Variants in RXRG observed in about 807,000 individuals in gnomAD.
RXRG encodes retinoid X receptor gamma.
RXRG carries 19 observed loss-of-function variants against 49.2 expected under a neutral mutation model. The ratio of observed to expected loss-of-function variants is 0.39; its 90% CI spans 0.27 to 0.57. The LOEUF (loss-of-function observed/expected upper bound fraction) is 0.57. Among genes scored for constraint, RXRG ranks in the 20% least tolerant of loss-of-function variants. The probability of loss-of-function intolerance (pLI) is 0.64; values close to 1 mark genes in which losing one functional copy is unlikely to be tolerated. For missense variants in RXRG, 452 were observed against 592.5 expected (o/e 0.76, Z 2.46); for synonymous variants, 224 against 216.6 (o/e 1.03, Z -0.30).
At chr1:165,414,922 A>T (rs1324048922) in intron 4 of RXRG, among the ~76,000 whole-genome samples, 1 of 152,254 alleles carries the variant, frequency 6.6e-6, no homozygotes, top group Non-Finnish European at 1.5e-5. Context: ...CATTCAGTTT[A>T]AACTATTCAT....
chr1:165,415,348 A>G (rs1401165492), intron 4 of RXRG, among the ~76,000 whole-genome samples: 1 of 152,350 alleles, frequency 6.6e-6, no homozygotes. Context: ...ACCTTAAGTC[A>G]TGACAAAGAT....
chr1:165,438,920 GT>G (rs1658897681), intron 1 of RXRG, among the ~76,000 whole-genome samples: 1 of 152,122 alleles, frequency 6.6e-6, no homozygotes, highest in Non-Finnish European at 1.5e-5. Flanking sequence ...AGATACATAT[GT>G]TTTCAAGCAA....
At chr1:165,437,159 A>G (rs1557926855) in intron 1 of RXRG, 1 of 1,367,752 alleles carries the variant, frequency 7.3e-7, no homozygotes, top group Non-Finnish European at 9.8e-7. Flanking sequence ...TCACAGCCCT[A>G]GCGATGTGGA....
intron 1 of RXRG, among the ~76,000 whole-genome samples, chr1:165,442,439 C>T (rs1377910154): frequency 6.6e-6 from 1 of 152,248 alleles, no homozygotes; most frequent in African/African-American, 2.4e-5. Context: ...AGACAACCTA[C>T]ATGACCCTTT....
At chr1:165,424,148 C>G (rs1174442996) in intron 2 of RXRG, among the ~76,000 whole-genome samples, 1 of 152,198 alleles carries the variant, frequency 6.6e-6, no homozygotes, top group African/African-American at 2.4e-5. Context: ...TCCTATATCA[C>G]ATTATCTACA....
chr1:165,436,526 C>T (rs541874369), intron 1 of RXRG, among the ~76,000 whole-genome samples: 180 of 152,234 alleles, frequency 1.2e-3, no homozygotes, highest in South Asian at 4.8e-3. Flanking sequence ...AGAGGAGATT[C>T]GCCTGTTCTT....
chr1:165,419,748 G>A, intron 3 of RXRG, 122 bp downstream of exon 3: 1 of 734,568 alleles, frequency 1.4e-6, no homozygotes, highest in Non-Finnish European at 2.1e-6. Context: ...CGTATAGGTG[G>A]GTCCCCAGTT....
At position 165,427,646 on chromosome 1, in the gene RXRG, A is replaced by G. The variant is rs1658532829; in HGVS notation, c.297+1073T>C. ...TTTAGTAGAGACGGGGTTTCACTGT[A>G]TTAGCCAGGATGGTCTCCATCTCCT... On this transcript the variant is annotated intron_variant, in intron 2 of 9. Transcript: ENST00000359842. Among the ~76,000 whole-genome samples, 2 of 152,090 alleles carry G rather than the reference A, an allele frequency of 1.3e-5. 1 individual carries two copies. Among genetic ancestry groups the G allele is most frequent in the South Asian group, 4.1e-4 (2 of 4,828 alleles).
At chr1:165,428,274 T>C (rs1171965476) in intron 2 of RXRG, among the ~76,000 whole-genome samples, 1 of 152,214 alleles carries the variant, frequency 6.6e-6, no homozygotes, top group Admixed American at 6.5e-5. Flanking sequence ...ACTTATCCAT[T>C]GACATACCTG....
intron 8 of RXRG, among the ~76,000 whole-genome samples, chr1:165,407,705 G>T (rs1003889517): frequency 6.6e-6 from 1 of 152,094 alleles, no homozygotes; most frequent in Non-Finnish European, 1.5e-5. Context: ...AGCCACTCTT[G>T]GATATCTACT....
intron 9 of RXRG, 129 bp from the exon 10 acceptor site, chr1:165,401,539 G>A: frequency 1.0e-6 from 1 of 970,852 alleles, no homozygotes; most frequent in East Asian, 2.5e-5. Flanking sequence ...GGGTAGACAA[G>A]GGGGTCACAG....
chr1:165,410,748 G>A lies in RXRG; in HGVS notation c.867C>T (p.His289=). ...TLVEWAKRIP[H]FSDLTLEDQV... ...GGTCCTCCAAGGTGAGGTCAGAGAA[G>A]TGGGGAATACGCTTGGCCCATTCAA... The change falls in exon 6 of 10, where the codon CAC becomes CAT. Residue 289 remains histidine (H), a synonymous_variant. Transcript: ENST00000359842. 6.2e-7 allele frequency: 1 copy of A among 1,614,132 alleles called. No individual in the cohort carries two copies. Among genetic ancestry groups the A allele is most frequent in the Non-Finnish European group, 8.5e-7 (1 of 1,180,016 alleles).
At chr1:165,434,318 G>A (rs74966803) in intron 1 of RXRG, among the ~76,000 whole-genome samples, 1 of 150,150 alleles carries the variant, frequency 6.7e-6, no homozygotes, top group Non-Finnish European at 1.5e-5. Flanking sequence ...GTCAGAGAGA[G>A]AGACTTACTG....
intron 4 of RXRG, among the ~76,000 whole-genome samples, chr1:165,412,326 G>A (rs923652197): frequency 6.6e-6 from 1 of 152,124 alleles, no homozygotes; most frequent in East Asian, 1.9e-4. Context: ...TGAGAGAGAG[G>A]CAAGGAGGGT....
intron 9 of RXRG, among the ~76,000 whole-genome samples, chr1:165,403,595 G>A (rs1657653217): frequency 1.3e-5 from 2 of 152,182 alleles, no homozygotes; most frequent in Non-Finnish European, 2.9e-5. Context: ...CAGTGGTAAA[G>A]CCCCTGAAAG....
chr1:165,423,294 G>A (rs961182078), intron 2 of RXRG, among the ~76,000 whole-genome samples: 1 of 152,160 alleles, frequency 6.6e-6, no homozygotes, highest in Non-Finnish European at 1.5e-5. Context: ...CTTTAGAGCC[G>A]GGATTCACCA....
At chr1:165,437,253 CAT>C (rs1658844396) in intron 1 of RXRG, 1 of 1,360,420 alleles carries the variant, frequency 7.4e-7, no homozygotes, top group Non-Finnish European at 9.8e-7. Context: ...CCTGGCTAAG[CAT>C]CTGCTTGTAT....
At chr1:165,412,537 GC>G (rs910785480) in intron 4 of RXRG, among the ~76,000 whole-genome samples, 10 of 152,310 alleles carry the variant, frequency 6.6e-5, no homozygotes, top group African/African-American at 2.4e-4. Context: ...AGCTTAGTAA[GC>G]CCCAGATCCC....
chr1:165,406,199 CTAGATGG>C, intron 9 of RXRG, among the ~76,000 whole-genome samples: 1 of 152,248 alleles, frequency 6.6e-6, no homozygotes, highest in East Asian at 1.9e-4. Flanking sequence ...CAGAGATCTG[CTAGATGG>C]CCTCAGAGAT....
Sources: allele counts gnomAD v4.1 joint callset (sites outside exome capture counted in the v4.1 genomes callset), GRCh38; gene constraint gnomAD v4.1.1; transcripts MANE v1.5; gene names NCBI Gene and HGNC (gene_info 2026-07-23, HGNC 2026-07-21).